Variants in ASTN2 observed in about 807,000 individuals in gnomAD.
ASTN2 encodes the protein astrotactin-2.
ASTN2 carries 54 observed loss-of-function variants against 139.8 expected under a neutral mutation model. That is an observed-to-expected ratio of 0.39 (90% CI 0.31 to 0.48). The LOEUF is 0.48. ASTN2 is among the 20% of genes least tolerant of loss of function. The pLI, the probability that ASTN2 is intolerant of heterozygous loss-of-function variation, is 0.95. For missense variants in ASTN2, 1,565 were observed against 1,725.1 expected, an observed-to-expected ratio of 0.91 and a Z score of 1.64; for synonymous variants, 756 against 719.5, an observed-to-expected ratio of 1.05 and a Z score of -0.81.
chr9:117,260,482 T>C (rs1833795829), intron 2 of ASTN2, among the ~76,000 whole-genome samples: 1 of 152,154 alleles, frequency 6.6e-6, no homozygotes, highest in Non-Finnish European at 1.5e-5. Flanking sequence ...TCATGTGCTT[T>C]AGTGCATACA....
intron 6 of ASTN2, among the ~76,000 whole-genome samples, chr9:117,026,823 T>C (rs953949769): frequency 9.2e-5 from 14 of 152,186 alleles, no homozygotes; most frequent in African/African-American, 2.2e-4. Flanking sequence ...GAAGGGGCTA[T>C]TGTTTTCCAA....
chr9:116,431,755 T>C (rs1426238995), intron 22 of ASTN2, among the ~76,000 whole-genome samples: 1 of 152,146 alleles, frequency 6.6e-6, no homozygotes. Context: ...TAACCCAATT[T>C]TAGAGTCTAC....
chr9:117,350,713 A>C (rs1230003683), intron 1 of ASTN2, among the ~76,000 whole-genome samples: 2 of 152,110 alleles, frequency 1.3e-5, no homozygotes, highest in Non-Finnish European at 2.9e-5. Flanking sequence ...GGCAGTGGGG[A>C]ATGAGGCTGG....
In ASTN2 at chr9:117,344,254, A is replaced by T. The variant is rs529068403; in HGVS notation, c.443-52741T>A. On this transcript the variant is annotated intron_variant, in intron 1 of 22. Coordinates refer to ENST00000313400, the MANE Select transcript of ASTN2 (RefSeq NM_001365068.1). ...TAAACCCTCTACCATGGCACAGTGAATAAGACTTCAAAGCCCTCTACGTAT... is the reference window on the plus strand; with the variant it reads ...TAAACCCTCTACCATGGCACAGTGATTAAGACTTCAAAGCCCTCTACGTAT... 4.6e-5 allele frequency among the ~76,000 whole-genome samples: 7 copies of T among 152,308 alleles called. No individual in the cohort carries two copies. The East Asian group carries it at 1.2e-3, about 25-fold the overall frequency.
chr9:116,512,864 T>C (rs1301031724), intron 19 of ASTN2, among the ~76,000 whole-genome samples: 1 of 152,212 alleles, frequency 6.6e-6, no homozygotes, highest in African/African-American at 2.4e-5. Context: ...CAGATCTTCC[T>C]CCATCTCTTT....
intron 1 of ASTN2, among the ~76,000 whole-genome samples, chr9:117,360,418 T>C (rs890566942): frequency 7.9e-5 from 12 of 152,038 alleles, no homozygotes; most frequent in Non-Finnish European, 1.5e-4. Context: ...TTAAATGTTA[T>C]ATGGTGTGAG....
intron 19 of ASTN2, among the ~76,000 whole-genome samples, chr9:116,506,826 G>A (rs913756141): frequency 6.6e-6 from 1 of 152,188 alleles, no homozygotes; most frequent in Non-Finnish European, 1.5e-5. Flanking sequence ...GCGACTTACT[G>A]ACTCTTCAGC....
intron 10 of ASTN2, among the ~76,000 whole-genome samples, chr9:116,935,160 G>A (rs565462056): frequency 6.6e-6 from 1 of 152,212 alleles, no homozygotes; most frequent in East Asian, 1.9e-4. Flanking sequence ...TACACTTCTA[G>A]GTCTCACATT....
chr9:117,224,816 G>C (rs999021069), intron 2 of ASTN2, among the ~76,000 whole-genome samples: 1 of 152,072 alleles, frequency 6.6e-6, no homozygotes, highest in Non-Finnish European at 1.5e-5. Flanking sequence ...TCAGCTTGTG[G>C]GTCATGAGTT....
intron 2 of ASTN2, among the ~76,000 whole-genome samples, chr9:117,290,334 T>C (rs1177248105): frequency 6.6e-6 from 1 of 152,246 alleles, no homozygotes; most frequent in Non-Finnish European, 1.5e-5. Flanking sequence ...GGATTTATTT[T>C]CTGGTTTTGT....
intron 1 of ASTN2, among the ~76,000 whole-genome samples, chr9:117,371,557 TC>T (rs1402663097): frequency 1.3e-5 from 2 of 151,924 alleles, no homozygotes; most frequent in Non-Finnish European, 2.9e-5. Context: ...AATCCCATCT[TC>T]CCCCCAATAG....
chr9:116,719,082 G>A lies in ASTN2; in HGVS notation c.2806+6689C>T, dbSNP rs552919410. On this transcript the variant is annotated intron_variant, in intron 16 of 22. Coordinates refer to ENST00000313400, the MANE Select transcript of ASTN2 (RefSeq NM_001365068.1). ...GCTAATACACATCCTCAGGGCTGCC[G>A]TGTGGTTAGGATTCAGGGAGGCAGG... Among the ~76,000 whole-genome samples the A allele has an allele frequency of 2.7e-5, 4 of 150,488 alleles. No individual in the cohort carries two copies. The East Asian group carries it at 7.8e-4, about 29-fold the overall frequency.
At chr9:117,218,873 T>C (rs1027547141) in intron 2 of ASTN2, among the ~76,000 whole-genome samples, 2 of 152,186 alleles carry the variant, frequency 1.3e-5, no homozygotes. Flanking sequence ...ACAATTTTAT[T>C]ATCTATAAAA....
intron 16 of ASTN2, among the ~76,000 whole-genome samples, chr9:116,663,575 C>A (rs761129496): frequency 6.6e-6 from 1 of 152,148 alleles, no homozygotes; most frequent in Non-Finnish European, 1.5e-5. Flanking sequence ...GTTACTTCTC[C>A]GTTAGCTCCC....
intron 10 of ASTN2, among the ~76,000 whole-genome samples, chr9:116,973,186 G>T (rs552210107): frequency 3.3e-5 from 5 of 152,204 alleles, no homozygotes; most frequent in African/African-American, 1.2e-4. Flanking sequence ...CTATGCCTCA[G>T]GTTTGTTTAT....
At chr9:116,718,005 G>A (rs564893241) in intron 16 of ASTN2, among the ~76,000 whole-genome samples, 4 of 152,242 alleles carry the variant, frequency 2.6e-5, no homozygotes, top group African/African-American at 9.6e-5. Flanking sequence ...AGCAGGCATG[G>A]TCCCTGCCCT....
At chr9:117,122,024 G>C (rs529242871) in intron 4 of ASTN2, among the ~76,000 whole-genome samples, 20 of 152,158 alleles carry the variant, frequency 1.3e-4, no homozygotes, top group Non-Finnish European at 1.8e-4. Flanking sequence ...GGAATATAGA[G>C]TCAAACCATA....
intron 10 of ASTN2, among the ~76,000 whole-genome samples, chr9:116,909,921 T>A (rs1385495869): frequency 6.6e-6 from 1 of 152,120 alleles, no homozygotes; most frequent in Non-Finnish European, 1.5e-5. Flanking sequence ...TTTATAATAT[T>A]CCTGGGAGAC....
intron 3 of ASTN2, among the ~76,000 whole-genome samples, chr9:117,158,858 G>A (rs1170666821): frequency 6.6e-6 from 1 of 151,918 alleles, no homozygotes; most frequent in Admixed American, 6.6e-5. Flanking sequence ...AATCCTTGTG[G>A]TCTCACTGCT....
Sources: gnomAD v4.1 joint callset for allele counts (sites outside exome capture counted in the v4.1 genomes callset) on GRCh38, gnomAD v4.1.1 for gene constraint, MANE v1.5 for transcripts, NCBI Gene and HGNC (gene_info 2026-07-23, HGNC 2026-07-21) for gene names.